The following AXIN1 variants were observed in gnomAD, a reference collection of about 807,000 sequenced individuals.
The protein encoded by AXIN1 is axin 1.
In AXIN1, 30 loss-of-function variants were observed where a neutral mutation model predicts 76.4. That is an observed-to-expected ratio of 0.39 (90% CI 0.29 to 0.53). The LOEUF is 0.53. Ranked by LOEUF, AXIN1 falls within the 20% of genes least tolerant of loss-of-function variation. The pLI is 0.66. For synonymous variants in AXIN1, 545 were observed against 501.4 expected (o/e 1.09, Z -1.16); for missense variants, 1,140 against 1,198.8 (o/e 0.95, Z 0.72).
At chr16:289,965 A>T in intron 9 of AXIN1, 2 of 402,022 alleles carry the variant, frequency 5.0e-6, no homozygotes, top group Non-Finnish European at 4.7e-6. Flanking sequence ...AACCTTAAAA[A>T]CATCTGAAGG....
Position 287,819 on chromosome 16 carries a change from C to T in AXIN1, c.*303G>A. 2.0e-6 allele frequency: 1 copy of T among 501,440 alleles called. No homozygotes were observed. Among genetic ancestry groups the T allele is most frequent in the East Asian group, 3.5e-5 (1 of 28,948 alleles). 31.1% of individuals were successfully genotyped at this position (501,440 alleles called of 1,614,324 possible). On this transcript the variant is annotated 3_prime_UTR_variant, in exon 11 of 11. Coordinates refer to ENST00000262320, the MANE Select transcript of AXIN1 (RefSeq NM_003502.4). ...CCAGCACACGTGCCCAAGGGAGGTGCCGGGGGATGGGGGGGGGTCACCTGA... is the reference window on the plus strand; with the variant it reads ...CCAGCACACGTGCCCAAGGGAGGTGTCGGGGGATGGGGGGGGGTCACCTGA...
chr16:291,089 C>T (rs2052544496), intron 9 of AXIN1, 101 bp downstream of exon 9: 2 of 1,117,418 alleles, frequency 1.8e-6, no homozygotes, highest in African/African-American at 3.1e-5. Context: ...GAGCGTGGTA[C>T]CCGAGCTCAA....
At chr16:338,513 G>A (rs571221774) in intron 2 of AXIN1, among the ~76,000 whole-genome samples, 2 of 152,364 alleles carry the variant, frequency 1.3e-5, no homozygotes, top group African/African-American at 4.8e-5. Context: ...GGCCTGACAG[G>A]CAACTACAGA....
At chr16:311,663 C>A (rs1023464012) in intron 3 of AXIN1, among the ~76,000 whole-genome samples, 1 of 151,950 alleles carries the variant, frequency 6.6e-6, no homozygotes, top group Non-Finnish European at 1.5e-5. Context: ...CCCAGCTACT[C>A]GGGAGGCTGA....
chr16:351,774 G>A (rs2054149983), intron 1 of AXIN1, among the ~76,000 whole-genome samples: 2 of 152,002 alleles, frequency 1.3e-5, no homozygotes, highest in Admixed American at 6.5e-5. Context: ...CTTATAGATG[G>A]GCTGAGAAAA....
At chr16:338,193 A>C (rs1197795805) in intron 2 of AXIN1, among the ~76,000 whole-genome samples, 4 of 152,176 alleles carry the variant, frequency 2.6e-5, no homozygotes. Context: ...GATGAGCAGA[A>C]CCGGAGCGTG....
intron 1 of AXIN1, among the ~76,000 whole-genome samples, chr16:348,442 C>A (rs550183214): frequency 6.6e-6 from 1 of 152,358 alleles, no homozygotes; most frequent in African/African-American, 2.4e-5. Flanking sequence ...ATCTGTCCCC[C>A]ACACCAACTT....
At chr16:325,049 A>G (rs868836645) in intron 2 of AXIN1, among the ~76,000 whole-genome samples, 2 of 152,106 alleles carry the variant, frequency 1.3e-5, no homozygotes, top group South Asian at 2.1e-4. Flanking sequence ...TCTGACGCGC[A>G]CCAGATCACA....
At chr16:307,001 G>A (rs532097722) in intron 4 of AXIN1, among the ~76,000 whole-genome samples, 4 of 152,344 alleles carry the variant, frequency 2.6e-5, no homozygotes, top group African/African-American at 9.6e-5. Flanking sequence ...GTGGCTGGGG[G>A]GCCATGCTGG....
chr16:288,086 G>A lies in AXIN1; in HGVS notation c.*36C>T, dbSNP rs970265400. On this transcript the variant is annotated 3_prime_UTR_variant, in exon 11 of 11. Transcript: ENST00000262320. ...GGCCGTGACACCCGTGCCCGCCAAG[G>A]GCCTCGCCTGGCACAGCGGCCAGCC... 6.2e-6 allele frequency: 10 copies of A among 1,612,604 alleles called. No individual in the cohort carries two copies. In the African/African-American group the frequency reaches 8.0e-5, roughly 13 times the overall value.
At chr16:295,386 G>T (rs1344288987) in intron 7 of AXIN1, among the ~76,000 whole-genome samples, 1 of 151,704 alleles carries the variant, frequency 6.6e-6, no homozygotes, top group Non-Finnish European at 1.5e-5. Flanking sequence ...CTGGGATGAG[G>T]CTTCTTTTTT....
At chr16:307,607 T>A (rs1435237655) in intron 4 of AXIN1, among the ~76,000 whole-genome samples, 1 of 152,148 alleles carries the variant, frequency 6.6e-6, no homozygotes, top group Non-Finnish European at 1.5e-5. Context: ...CCAACTCTGA[T>A]GGGCAGGTGT....
chr16:320,721 G>GTATATATA (rs1363646713), intron 2 of AXIN1, among the ~76,000 whole-genome samples: 1 of 120,172 alleles, frequency 8.3e-6, no homozygotes, highest in African/African-American at 3.6e-5. Flanking sequence ...ATGCGTGTGT[G>GTATATATA]TGTATATATA....
chr16:327,784 G>A (rs1471670647), intron 2 of AXIN1, among the ~76,000 whole-genome samples: 1 of 152,232 alleles, frequency 6.6e-6, no homozygotes, highest in African/African-American at 2.4e-5. Context: ...TAAAGTTTCT[G>A]AGCATTTCAG....
intron 5 of AXIN1, among the ~76,000 whole-genome samples, chr16:300,842 G>A (rs182257924): frequency 3.2e-4 from 48 of 152,294 alleles, no homozygotes; most frequent in Non-Finnish European, 4.4e-4. Context: ...TTTTGATGCC[G>A]TTCACTGCCT....
rs376345857 is a variant in AXIN1, at chr16:297,715, C to G, written c.1784+7G>C. 2.5e-6 allele frequency: 4 copies of G among 1,594,756 alleles called. No homozygotes were observed. Among genetic ancestry groups the G allele is most frequent in the African/African-American group, 1.3e-5 (1 of 74,746 alleles). ...AGCCCCCTCCTCACTGACAGGCGCA[C>G]GCTCACCTGTGGGCGAGGCCATCAC... On this transcript the variant is annotated splice_region_variant and intron_variant, in intron 6 of 10. Transcript: ENST00000262320.
At chr16:314,257 C>T (rs2053248162) in intron 3 of AXIN1, among the ~76,000 whole-genome samples, 1 of 152,220 alleles carries the variant, frequency 6.6e-6, no homozygotes, top group Non-Finnish European at 1.5e-5. Context: ...GGAGGACAGC[C>T]TCTGCGGTAC....
chr16:311,500 A>C (rs182861736), intron 3 of AXIN1, among the ~76,000 whole-genome samples: 205 of 151,742 alleles, frequency 1.4e-3, no homozygotes, highest in African/African-American at 4.9e-3. Flanking sequence ...GGCTGGGCGC[A>C]GTGGCTCATG....
chr16:331,446 GA>G (rs1212810450), intron 2 of AXIN1, among the ~76,000 whole-genome samples: 1 of 152,154 alleles, frequency 6.6e-6, no homozygotes, highest in African/African-American at 2.4e-5. Context: ...GCAGCAGGAA[GA>G]AGCCTCTGTC....
Sources: gnomAD v4.1 joint callset for allele counts (sites outside exome capture counted in the v4.1 genomes callset) on GRCh38, gnomAD v4.1.1 for gene constraint, MANE v1.5 for transcripts, NCBI Gene and HGNC (gene_info 2026-07-23, HGNC 2026-07-21) for gene names.